WDFY4: variants seen among roughly 807,000 people sequenced by gnomAD.
WDFY4 encodes WDFY family member 4, also known as WD repeat- and FYVE domain-containing protein 4.
In WDFY4, 169 loss-of-function variants were observed where a neutral mutation model predicts 351.9. That is an observed-to-expected ratio of 0.48 (90% CI 0.42 to 0.55). The LOEUF is 0.55. Among genes scored for constraint, WDFY4 ranks in the 20% least tolerant of loss-of-function variants. The pLI, the probability that WDFY4 is intolerant of heterozygous loss-of-function variation, is 0.00. For synonymous variants in WDFY4, 1,622 were observed against 1,574.6 expected (o/e 1.03, Z -0.71); for missense variants, 3,803 against 3,935.6 (o/e 0.97, Z 0.90).
intron 39 of WDFY4, among the ~76,000 whole-genome samples, chr10:48,844,089 A>G (rs1345676842): frequency 6.6e-6 from 1 of 152,236 alleles, no homozygotes; most frequent in African/African-American, 2.4e-5. Context: ...TGCATGAGTT[A>G]CAGCCGCCTT....
At chr10:48,689,920 T>C (rs1223982469) in intron 1 of WDFY4, among the ~76,000 whole-genome samples, 2 of 152,200 alleles carry the variant, frequency 1.3e-5, no homozygotes, top group African/African-American at 4.8e-5. Flanking sequence ...AGATGTAAGG[T>C]TCTTTGCCCT....
intron 12 of WDFY4, among the ~76,000 whole-genome samples, chr10:48,752,978 C>T (rs1310525509): frequency 2.6e-5 from 4 of 152,204 alleles, no homozygotes; most frequent in South Asian, 2.1e-4. Context: ...CAATTTTACA[C>T]ACCCAACAGC....
intron 27 of WDFY4, among the ~76,000 whole-genome samples, chr10:48,807,277 A>C (rs2067290152): frequency 6.6e-6 from 1 of 152,258 alleles, no homozygotes. Flanking sequence ...TATGAACTGC[A>C]TTCTGAAACT....
chr10:48,943,204 G>T lies in WDFY4; in HGVS notation c.7630-126G>T, dbSNP rs905784811. ...TGCATGAGATGTGCACAAAGTAACC[G>T]AGGGGCTGGCTGCCTGTCCTCACCC... On this transcript the variant is annotated intron_variant, in intron 48 of 61. Coordinates refer to ENST00000325239, the MANE Select transcript of WDFY4 (RefSeq NM_001394531.1). 3.6e-6 allele frequency: 4 copies of T among 1,120,858 alleles called. No homozygotes were observed. In the African/African-American group the frequency reaches 4.7e-5, roughly 13 times the overall value. The allele number at this position is 1,120,858 out of a possible 1,614,324, so 69.4% of individuals were successfully genotyped here.
chr10:48,780,253 A>G, intron 19 of WDFY4, 134 bp downstream of exon 19: 3 of 1,167,794 alleles, frequency 2.6e-6, no homozygotes, highest in Non-Finnish European at 3.6e-6. Flanking sequence ...TTGGCATCTA[A>G]TGAAATCTGC....
intron 57 of WDFY4, among the ~76,000 whole-genome samples, chr10:48,974,497 C>G (rs187887808): frequency 2.0e-4 from 1 of 4,890 alleles, no homozygotes; most frequent in Non-Finnish European, 4.7e-4. Context: ...AGCAAGACTC[C>G]GTCTCAAAAA....
intron 1 of WDFY4, among the ~76,000 whole-genome samples, chr10:48,698,308 T>A (rs1349048087): frequency 1.3e-5 from 2 of 152,230 alleles, no homozygotes; most frequent in African/African-American, 4.8e-5. Context: ...TGAAGCACTC[T>A]GATGTCACTC....
At chr10:48,721,847 C>T (rs1453892339) in intron 4 of WDFY4, among the ~76,000 whole-genome samples, 2 of 152,166 alleles carry the variant, frequency 1.3e-5, no homozygotes, top group Admixed American at 6.5e-5. Context: ...GATTCTAGAA[C>T]CCATGCTCTG....
At position 48,760,386 on chromosome 10, in the gene WDFY4, C is replaced by T. The variant is rs79350751; in HGVS notation, c.2499C>T (p.Val833=). ...EGDAAIMHPG[V]VCIMVRLLPR... Reference sequence around the variant, plus strand: ...ATGCTGCAATCATGCATCCCGGGGTCGTGTGCATCATGGTGAGGCTGCTGC... The same window carrying T: ...ATGCTGCAATCATGCATCCCGGGGTTGTGTGCATCATGGTGAGGCTGCTGC... Residue 833 remains valine, a synonymous_variant, in exon 13 of 62, where the codon GTC becomes GTT. Transcript: ENST00000325239. 2.2e-3 allele frequency: 3,403 copies of T among 1,551,606 alleles called. 99 individuals are homozygous for T. The East Asian group carries it at 0.064, about 29-fold the overall frequency.
At chr10:48,824,953 T>G (rs2067945977) in intron 35 of WDFY4, among the ~76,000 whole-genome samples, 1 of 152,184 alleles carries the variant, frequency 6.6e-6, no homozygotes, top group African/African-American at 2.4e-5. Context: ...GCCATGTCAC[T>G]TTTATTTTTA....
chr10:48,944,477 A>G (rs1840942575), intron 49 of WDFY4, among the ~76,000 whole-genome samples: 1 of 152,222 alleles, frequency 6.6e-6, no homozygotes, highest in African/African-American at 2.4e-5. Context: ...GGCTCTGGCC[A>G]TCTGGAGAGG....
intron 47 of WDFY4, among the ~76,000 whole-genome samples, chr10:48,907,569 TA>T (rs1837681416): frequency 6.6e-6 from 1 of 152,158 alleles, no homozygotes; most frequent in Non-Finnish European, 1.5e-5. Flanking sequence ...ACAAATAACT[TA>T]AAAAACCTAC....
At chr10:48,758,846 G>T (rs978146511) in intron 12 of WDFY4, among the ~76,000 whole-genome samples, 1 of 152,060 alleles carries the variant, frequency 6.6e-6, no homozygotes, top group Non-Finnish European at 1.5e-5. Context: ...CTGCTTTAAG[G>T]GTTTCGTCTG....
Position 48,811,706 on chromosome 10 carries a change from A to C in WDFY4, c.5212A>C (p.Lys1738Gln). 1 of 1,551,554 alleles carries C rather than the reference A, an allele frequency of 6.4e-7. No individual in the cohort carries two copies. Among genetic ancestry groups the C allele is most frequent in the Non-Finnish European group, 8.7e-7 (1 of 1,146,890 alleles). ...TPLTELMDGP[K>Q]DSLDAMLQWL... ...ACTCACAGAGCTGATGGACGGGCCC[A>C]AAGTAGGTTTTCAGAGCACCCACAG... is the stretch of plus-strand genomic sequence containing the variant. Residue 1738 changes from lysine (K) to glutamine (Q), a missense_variant and splice_region_variant, in exon 30 of 62, where the codon AAA becomes CAA. Coordinates refer to ENST00000325239, the MANE Select transcript of WDFY4 (RefSeq NM_001394531.1).
At chr10:48,813,333 A>G (rs1050567482) in intron 30 of WDFY4, among the ~76,000 whole-genome samples, 3 of 152,236 alleles carry the variant, frequency 2.0e-5, no homozygotes, top group Non-Finnish European at 4.4e-5. Context: ...AATATGCTGT[A>G]CTAAGGTCAT....
Position 48,715,813 on chromosome 10 carries a change from T to C in WDFY4, c.235-4198T>C, listed in dbSNP as rs934876917. Among the ~76,000 whole-genome samples, 163 of 151,152 alleles carry C rather than the reference T, an allele frequency of 1.1e-3. 3 individuals carry two copies. The highest frequency in any genetic ancestry group is 4.4e-4 in the Non-Finnish European group (30 of 67,712). On this transcript the variant is annotated intron_variant, in intron 2 of 61. Transcript: ENST00000325239. Reference sequence around the variant, plus strand: ...GCTAATTTTTCTTTTCTTTTCTTTTTTTTTTTTTTGTATTTTTAGTAGAGA... The same window carrying C: ...GCTAATTTTTCTTTTCTTTTCTTTTCTTTTTTTTTGTATTTTTAGTAGAGA...
In WDFY4 at chr10:48,833,674, G is replaced by A. The variant is rs529965392; in HGVS notation, c.6663+965G>A. 2.0e-5 allele frequency among the ~76,000 whole-genome samples: 3 copies of A among 152,334 alleles called. No homozygotes were observed. In the East Asian group the frequency reaches 5.8e-4, roughly 29 times the overall value. On this transcript the variant is annotated intron_variant, in intron 39 of 61. Transcript: ENST00000325239. ...TGATCTGTGATATATTCTAATGCCA[G>A]TGATATATTCTAATCCCAGGGGCAC...
chr10:48,907,346 C>T (rs12263240), intron 47 of WDFY4, among the ~76,000 whole-genome samples: 13,851 of 152,174 alleles, frequency 0.091, 1,501 homozygotes, highest in African/African-American at 0.26. Flanking sequence ...AAAGCATCCC[C>T]GGGCTGGAGA....
At chr10:48,873,843 C>T (rs1293730246) in intron 41 of WDFY4, 146 bp downstream of exon 41, 2 of 874,510 alleles carry the variant, frequency 2.3e-6, no homozygotes, top group Admixed American at 2.8e-5. Flanking sequence ...AATTTATTCT[C>T]AATGCCATTT....
Sources: allele counts gnomAD v4.1 joint callset (sites outside exome capture counted in the v4.1 genomes callset), GRCh38; gene constraint gnomAD v4.1.1; transcripts MANE v1.5; gene names NCBI Gene and HGNC (gene_info 2026-07-23, HGNC 2026-07-21).